Variants in AUTS2 observed in about 807,000 individuals in gnomAD.
AUTS2 encodes activator of transcription and developmental regulator AUTS2.
A neutral mutation model predicts 112.4 loss-of-function variants in AUTS2; 17 were observed. That is an observed-to-expected ratio of 0.15 (90% CI 0.10 to 0.23). The LOEUF is 0.23. Among genes scored for constraint, AUTS2 ranks in the 10% least tolerant of loss-of-function variants. The pLI, the probability that AUTS2 is intolerant of heterozygous loss-of-function variation, is 1.00. For synonymous variants in AUTS2, 751 were observed against 702.7 expected (o/e 1.07, Z -1.09); for missense variants, 1,510 against 1,701.6 (o/e 0.89, Z 1.98).
In AUTS2 at chr7:69,815,813, T is replaced by G. The variant is rs561204617; in HGVS notation, c.310-83473T>G. On this transcript the variant is annotated intron_variant, in intron 1 of 18. Transcript: ENST00000342771. ...CAGGTGTGACTACTTTTTTAAATGC[T>G]TCAATGAAACTTAACATGATGACCT... 1.4e-4 allele frequency among the ~76,000 whole-genome samples: 21 copies of G among 152,322 alleles called. No homozygotes were observed. The East Asian group carries it at 4.1e-3, about 29-fold the overall frequency.
chr7:70,378,992 C>T (rs539880226), intron 4 of AUTS2, among the ~76,000 whole-genome samples: 1 of 152,170 alleles, frequency 6.6e-6, no homozygotes, highest in South Asian at 2.1e-4. Flanking sequence ...CCATTTTATT[C>T]GTATCTCTTC....
chr7:70,557,859 C>T (rs1801315307), intron 5 of AUTS2, among the ~76,000 whole-genome samples: 1 of 152,174 alleles, frequency 6.6e-6, no homozygotes, highest in Admixed American at 6.5e-5. Flanking sequence ...CTTCCAGCAG[C>T]CCTTCCAGAG....
At chr7:70,255,275 T>C (rs1218782722) in intron 4 of AUTS2, among the ~76,000 whole-genome samples, 1 of 151,970 alleles carries the variant, frequency 6.6e-6, no homozygotes, top group Non-Finnish European at 1.5e-5. Flanking sequence ...GGTTTCACCA[T>C]GTTGGTCAGG....
intron 6 of AUTS2, among the ~76,000 whole-genome samples, chr7:70,761,746 T>A (rs9768784): frequency 0.14 from 21,940 of 152,230 alleles, 1,629 homozygotes; most frequent in African/African-American, 0.17. Context: ...AGGGAGTACA[T>A]CTTTTACATC....
chr7:70,711,547 G>T (rs1810050896), intron 6 of AUTS2, among the ~76,000 whole-genome samples: 1 of 152,194 alleles, frequency 6.6e-6, no homozygotes, highest in Non-Finnish European at 1.5e-5. Context: ...CCGAGCAGCT[G>T]CCATCAGTGT....
rs1554396560 is a variant in AUTS2 at position 70,418,107 on chromosome 7, G to GTGTGTGTC, written c.661-17640_661-17639insGTCTGTGT. Among the ~76,000 whole-genome samples, 97 of 150,964 alleles carry GTGTGTGTC rather than the reference G, an allele frequency of 6.4e-4. 1 individual carries two copies. The highest frequency in any genetic ancestry group is 1.3e-3 in the South Asian group (6 of 4,766). On this transcript the variant is annotated intron_variant, in intron 4 of 18. Transcript: ENST00000342771. ...TGTGTGTGTGTGTGTGTGTGTGTGT[G>GTGTGTGTC]TGTGTCTGTGTGTGTAGACGGGGTC...
chr7:69,933,825 A>G (rs1584462727), intron 2 of AUTS2, among the ~76,000 whole-genome samples: 1 of 152,026 alleles, frequency 6.6e-6, no homozygotes, highest in African/African-American at 2.4e-5. Context: ...TTTGTGCTTG[A>G]CTAGTATAAG....
intron 1 of AUTS2, among the ~76,000 whole-genome samples, chr7:69,818,268 G>A (rs1790845954): frequency 6.6e-6 from 1 of 152,274 alleles, no homozygotes; most frequent in Non-Finnish European, 1.5e-5. Context: ...CCTGTCACTT[G>A]TTATGCTGAT....
At position 70,568,611 on chromosome 7, in the gene AUTS2, C is replaced by A. The variant is rs114253966; in HGVS notation, c.691-129958C>A. On this transcript the variant is annotated intron_variant, in intron 5 of 18. Transcript: ENST00000342771. Reference sequence around the variant, plus strand: ...TGTTCTCAAGTGGGCACACAGGACACCTGTCTCCTTCATCTGCAAGGCCCC... The same window carrying A: ...TGTTCTCAAGTGGGCACACAGGACAACTGTCTCCTTCATCTGCAAGGCCCC... Among the ~76,000 whole-genome samples the A allele has an allele frequency of 3.9e-3, 590 of 152,312 alleles. 5 individuals carry two copies. The highest frequency in any genetic ancestry group is 0.014 in the African/African-American group (563 of 41,552).
At chr7:70,384,976 T>A (rs1040255129) in intron 4 of AUTS2, among the ~76,000 whole-genome samples, 63 of 152,196 alleles carry the variant, frequency 4.1e-4, no homozygotes, top group Non-Finnish European at 1.0e-4. Flanking sequence ...GGGTAAAGTC[T>A]GGCACAGCCC....
At chr7:70,644,080 G>A (rs912939282) in intron 5 of AUTS2, among the ~76,000 whole-genome samples, 14 of 152,160 alleles carry the variant, frequency 9.2e-5, no homozygotes, top group South Asian at 2.1e-4. Flanking sequence ...TACTGCTTCC[G>A]TTGATTTTTC....
chr7:70,473,597 G>A (rs1460718149), intron 5 of AUTS2, among the ~76,000 whole-genome samples: 3 of 152,114 alleles, frequency 2.0e-5, no homozygotes, highest in Admixed American at 6.5e-5. Context: ...GGGCAACTTG[G>A]TTCCTAAATG....
chr7:70,291,053 C>A (rs1007739782), intron 4 of AUTS2: 1 of 152,132 alleles, frequency 6.6e-6, no homozygotes, highest in Non-Finnish European at 1.5e-5. Flanking sequence ...CCTAAATACA[C>A]ATTTCTCCAA....
intron 4 of AUTS2, among the ~76,000 whole-genome samples, chr7:70,365,183 T>C (rs1396660467): frequency 1.3e-5 from 2 of 152,268 alleles, no homozygotes; most frequent in Non-Finnish European, 2.9e-5. Flanking sequence ...CTAGTATCTT[T>C]ACTATCTGCC....
chr7:69,660,715 G>A (rs995449341), intron 1 of AUTS2, among the ~76,000 whole-genome samples: 1 of 152,140 alleles, frequency 6.6e-6, no homozygotes, highest in Non-Finnish European at 1.5e-5. Context: ...GGCAGATCAC[G>A]AGGTCAGGAG....
At chr7:70,336,000 A>C (rs1790973796) in intron 4 of AUTS2, among the ~76,000 whole-genome samples, 1 of 152,228 alleles carries the variant, frequency 6.6e-6, no homozygotes, top group Non-Finnish European at 1.5e-5. Context: ...AAGTAAATAC[A>C]TAACTTTTAA....
At chr7:69,797,163 T>C (rs1401523006) in intron 1 of AUTS2, among the ~76,000 whole-genome samples, 5 of 152,186 alleles carry the variant, frequency 3.3e-5, no homozygotes, top group Admixed American at 1.3e-4. Flanking sequence ...GGGAAGATAT[T>C]TGGAGACCTG....
chr7:69,783,312 C>G (rs574390756), intron 1 of AUTS2, among the ~76,000 whole-genome samples: 7 of 151,940 alleles, frequency 4.6e-5, no homozygotes, highest in Non-Finnish European at 8.8e-5. Flanking sequence ...TAGGAGGAAA[C>G]AGGCCCACGA....
intron 1 of AUTS2, among the ~76,000 whole-genome samples, chr7:69,728,283 G>T (rs911529764): frequency 6.6e-6 from 1 of 152,142 alleles, no homozygotes; most frequent in Non-Finnish European, 1.5e-5. Flanking sequence ...GATTATTCAG[G>T]GTATTCCCAC....
Sources: gnomAD v4.1 joint callset for allele counts (sites outside exome capture counted in the v4.1 genomes callset) on GRCh38, gnomAD v4.1.1 for gene constraint, MANE v1.5 for transcripts, NCBI Gene and HGNC (gene_info 2026-07-23, HGNC 2026-07-21) for gene names.